Variants in DGCR8 observed in about 807,000 individuals in gnomAD.
The protein encoded by DGCR8 is microprocessor complex subunit DGCR8.
In DGCR8, 14 loss-of-function variants were observed where a neutral mutation model predicts 78.5. The observed-to-expected ratio is 0.18, with a 90% CI of 0.12 to 0.28. The LOEUF is 0.28. Among genes scored for constraint, DGCR8 ranks in the 10% least tolerant of loss-of-function variants. The pLI is 1.00. For synonymous variants in DGCR8, 399 were observed against 402.4 expected (o/e 0.99, Z 0.10); for missense variants, 702 against 1,022.5 (o/e 0.69, Z 4.28).
intron 12 of DGCR8, chr22:20,107,935 C>G (rs1298801425): frequency 1.3e-5 from 2 of 156,650 alleles, no homozygotes; most frequent in African/African-American, 4.8e-5. Context: ...TGAGTGTAAT[C>G]ATTTTCCTCA....
rs535322476 is a variant in DGCR8 at position 20,094,487 on chromosome 22, C to T, written c.1706-226C>T. 4.0e-4 allele frequency among the ~76,000 whole-genome samples: 61 copies of T among 152,356 alleles called. 1 individual carries two copies. Among genetic ancestry groups the T allele is most frequent in the Admixed American group, 1.9e-3 (29 of 15,300 alleles). ...TGCTCCCAGGACCCCAGGGTGAGAG[C>T]GCACACACCCAGTGTGGCCCGTGAG... is the stretch of plus-strand genomic sequence containing the variant. On this transcript the variant is annotated intron_variant, in intron 8 of 13. Coordinates refer to ENST00000351989, the MANE Select transcript of DGCR8 (RefSeq NM_022720.7).
intron 9 of DGCR8, chr22:20,096,357 G>A (rs2049628816): frequency 1.2e-6 from 1 of 827,576 alleles, no homozygotes. Flanking sequence ...AGAGGCAGAA[G>A]AAAATTTTTG....
Position 20,107,374 on chromosome 22 carries a change from TGA to T in DGCR8, c.2104_2105del (p.Ser702GlnfsTer15). ...WGSLLRMYGR[E>X]SSKMVKQETS... Reference sequence around the variant, plus strand: ...GGTCTTTACTGCGCATGTATGGCCGTGAGAGCAGCAAGATGGTCAAGCAGGTA... The same window carrying T: ...GGTCTTTACTGCGCATGTATGGCCGTGAGCAGCAAGATGGTCAAGCAGGTA... On this transcript the variant is annotated frameshift_variant, in exon 12 of 14. Coordinates refer to ENST00000351989, the MANE Select transcript of DGCR8 (RefSeq NM_022720.7). LOFTEE classifies it high-confidence loss of function. 6.2e-7 allele frequency: 1 copy of T among 1,614,112 alleles called. No individual in the cohort carries two copies. Among genetic ancestry groups the T allele is most frequent in the Non-Finnish European group, 8.5e-7 (1 of 1,180,004 alleles).
intron 7 of DGCR8, 95 bp downstream of exon 7, chr22:20,092,065 T>C: frequency 1.0e-6 from 1 of 960,398 alleles, no homozygotes; most frequent in South Asian, 1.4e-5. Flanking sequence ...AGCCCTACTC[T>C]ACTGGAACGG....
intron 5 of DGCR8, 76 bp from the exon 6 acceptor site, chr22:20,091,359 C>G: frequency 2.1e-6 from 3 of 1,454,708 alleles, no homozygotes; most frequent in Admixed American, 1.7e-5. Context: ...TGGGCCTGCC[C>G]CATGCACTGG....
At chr22:20,094,254 G>C (rs1307037562) in intron 8 of DGCR8, among the ~76,000 whole-genome samples, 1 of 152,132 alleles carries the variant, frequency 6.6e-6, no homozygotes, top group East Asian at 1.9e-4. Flanking sequence ...GGGCATATCC[G>C]TGCCCTGCCC....
In DGCR8 at chr22:20,110,196, C is replaced by A; in HGVS notation, c.*88C>A. 2 of 1,388,266 alleles carry A rather than the reference C, an allele frequency of 1.4e-6. No homozygotes were observed. The highest frequency in any genetic ancestry group is 1.0e-6 in the Non-Finnish European group (1 of 999,178). The allele number at this position is 1,388,266 out of a possible 1,614,324, so 86.0% of individuals were successfully genotyped here. On this transcript the variant is annotated 3_prime_UTR_variant, in exon 14 of 14. Transcript: ENST00000351989. ...ATGCATCGTGCACCACAGTGTCAGG[C>A]CTCCAACCCACGCTCCTTCCCTGTG...
chr22:20,091,723 C>T (rs761659120), intron 6 of DGCR8, 91 bp downstream of exon 6: 27 of 1,544,906 alleles, frequency 1.7e-5, no homozygotes, highest in East Asian at 4.5e-5. Flanking sequence ...AGTTGCATTT[C>T]GTTCAAAGTT....
At chr22:20,109,938 C>G in intron 13 of DGCR8, 87 bp from the exon 14 acceptor site, 1 of 1,327,058 alleles carries the variant, frequency 7.5e-7, no homozygotes, top group Non-Finnish European at 1.1e-6. Flanking sequence ...CTGGCATGAT[C>G]TGCTGGGCTC....
In DGCR8 at chr22:20,108,895, A is replaced by G. The variant is rs112707924; in HGVS notation, c.2130A>G (p.Thr710=). Residue 710 remains threonine, a synonymous_variant, in exon 13 of 14, where the codon ACA becomes ACG. Transcript: ENST00000351989. ...RESSKMVKQE[T]SDKSVIELQQ... ...TGAGGTGCTATACTTCCCAGGAGAC[A>G]TCGGACAAGAGTGTGATTGAGCTGC... 65 of 1,566,714 alleles carry G rather than the reference A, an allele frequency of 4.1e-5. 1 individual carries two copies. The African/African-American group carries it at 4.5e-4, about 11-fold the overall frequency.
At chr22:20,096,165 T>G (rs1198115403) in intron 9 of DGCR8, among the ~76,000 whole-genome samples, 1 of 152,208 alleles carries the variant, frequency 6.6e-6, no homozygotes, top group Non-Finnish European at 1.5e-5. Flanking sequence ...TATACTGTAT[T>G]CTTACATTAA....
At chr22:20,102,608 G>A (rs1048826459) in intron 9 of DGCR8, among the ~76,000 whole-genome samples, 6 of 152,174 alleles carry the variant, frequency 3.9e-5, no homozygotes, top group African/African-American at 1.4e-4. Context: ...TGTTAGCATT[G>A]CCCTCACACC....
Position 20,106,859 on chromosome 22 carries a change from C to T in DGCR8, c.1996+161C>T, listed in dbSNP as rs1422855185. The T allele has an allele frequency of 1.8e-5, 11 of 620,956 alleles. No homozygotes were observed. In the East Asian group the frequency reaches 1.9e-4, roughly 11 times the overall value. The allele number at this position is 620,956 out of a possible 1,614,324, so 38.5% of individuals were successfully genotyped here. A position where few individuals can be genotyped will look rare whatever the true frequency, so the allele number is the denominator to read the frequency against. On this transcript the variant is annotated intron_variant, in intron 11 of 13. Transcript: ENST00000351989. ...GTTCAGCCTAAGGCGGACTGGCAGC[C>T]GTCCTGCCTGCACTTTCCCTGTCTT...
intron 13 of DGCR8, chr22:20,109,212 G>A: frequency 2.3e-6 from 1 of 440,072 alleles, no homozygotes; most frequent in Admixed American, 3.5e-5. Context: ...TTGTTAGAGA[G>A]CTGGCAGGCC....
rs569720840 is a variant in DGCR8 at position 20,105,213 on chromosome 22, C to T, written c.1789-964C>T. ...GGGAGGAGGGGCAGGGCTAGTAGTC[C>T]ATATGAAAATCGGAGCAATGCTGCC... On this transcript the variant is annotated intron_variant, in intron 9 of 13. Coordinates refer to ENST00000351989, the MANE Select transcript of DGCR8 (RefSeq NM_022720.7). Among the ~76,000 whole-genome samples the T allele has an allele frequency of 9.8e-5, 15 of 152,336 alleles. No homozygotes were observed. The South Asian group carries it at 3.1e-3, about 32-fold the overall frequency.
rs1045028033 is a variant in DGCR8, at chr22:20,086,540, A to G, written c.577A>G (p.Arg193Gly). 6.2e-7 allele frequency: 1 copy of G among 1,614,024 alleles called. No homozygotes were observed. Residue 193 changes from arginine (R) to glycine (G), a missense_variant, in exon 2 of 14, where the codon AGA (arginine) becomes GGA (glycine). By Grantham distance (125) the Arg-to-Gly change is moderately radical. Around this residue, in one of 4 missense-constraint regions of DGCR8, gnomAD observed 356 missense variants for 448.9 expected, o/e 0.79. Transcript: ENST00000351989. The surrounding 1 kb of genome is among the most constrained non-coding windows in gnomAD (Gnocchi z 6.4). Reference sequence around the variant, plus strand: ...GGAGAATGAGCTGGATCAGGAAAAGAGAGTGGAGTATGCAGTGCTCGATGA... The same window carrying G: ...GGAGAATGAGCTGGATCAGGAAAAGGGAGTGGAGTATGCAGTGCTCGATGA... ...DEENELDQEK[R>G]VEYAVLDELE...
At chr22:20,099,593 G>A (rs1031510209) in intron 9 of DGCR8, among the ~76,000 whole-genome samples, 1 of 152,220 alleles carries the variant, frequency 6.6e-6, no homozygotes, top group South Asian at 2.1e-4. Context: ...AGCAAGACTC[G>A]TTGTCTTTCT....
chr22:20,095,371 G>T (rs1447667909), intron 9 of DGCR8, among the ~76,000 whole-genome samples: 2 of 152,146 alleles, frequency 1.3e-5, no homozygotes, highest in Non-Finnish European at 2.9e-5. Context: ...CTCCTAAAGT[G>T]CTGGGATTAC....
At chr22:20,091,328 A>C (rs151091047) in intron 5 of DGCR8, 107 bp from the exon 6 acceptor site, 2 of 1,104,906 alleles carry the variant, frequency 1.8e-6, no homozygotes, top group Non-Finnish European at 2.7e-6. Context: ...GGACGGGGAA[A>C]GGAAATAGTG....
Sources: allele counts gnomAD v4.1 joint callset (sites outside exome capture counted in the v4.1 genomes callset), GRCh38; gene constraint gnomAD v4.1.1; regional missense constraint gnomAD v4.1.1; non-coding constraint Gnocchi (gnomAD v3.1); transcripts MANE v1.5; gene names NCBI Gene and HGNC (gene_info 2026-07-23, HGNC 2026-07-21).